NBPF19: variants seen among roughly 807,000 people sequenced by gnomAD.
The protein encoded by NBPF19 is NBPF family member NBPF19.
Under a neutral mutation model 45.9 loss-of-function variants are expected in NBPF19, and 30 were observed. The observed-to-expected ratio is 0.65, with a 90% CI of 0.49 to 0.89. The LOEUF is 0.89. Among genes scored for constraint, NBPF19 ranks in the 40% least tolerant of loss-of-function variants. The pLI, the probability that NBPF19 is intolerant of heterozygous loss-of-function variation, is 0.00. For missense variants in NBPF19, 495 were observed against 471.8 expected, an observed-to-expected ratio of 1.05 and a Z score of -0.46; for synonymous variants, 183 against 181.2, an observed-to-expected ratio of 1.01 and a Z score of -0.08.
intron 3 of NBPF19, 109 bp from the exon 4 acceptor site, chr1:149,478,771 C>T: frequency 1.6e-6 from 2 of 1,243,674 alleles, no homozygotes; most frequent in Non-Finnish European, 2.4e-6. Context: ...TGCTGACCTT[C>T]TGCTTGGAGG....
chr1:149,528,919 C>T (rs1296347786), intron 61 of NBPF19, among the ~76,000 whole-genome samples: 6 of 128,096 alleles, frequency 4.7e-5, no homozygotes, highest in African/African-American at 9.5e-5. Context: ...GTCACCTGGA[C>T]AATTCACTGA....
At chr1:149,478,376 C>G (rs1235400358) in intron 3 of NBPF19, among the ~76,000 whole-genome samples, 2 of 151,218 alleles carry the variant, frequency 1.3e-5, no homozygotes, top group African/African-American at 4.9e-5. Context: ...CCCACTTACC[C>G]TTAGTGAGAA....
Position 149,486,294 on chromosome 1 carries a change from G to A in NBPF19, c.988+1G>A. The A allele has an allele frequency of 1.7e-6, 1 of 588,884 alleles. No homozygotes were observed. Among genetic ancestry groups the A allele is most frequent in the South Asian group, 1.9e-5 (1 of 52,726 alleles). The allele number at this position is 588,884 out of a possible 1,614,324, so 36.5% of individuals were successfully genotyped here. Reference sequence around the variant, plus strand: ...GTCTGCATGGCTGTTGACATAGGCAGTGAGTACTCCATTGTGAAGGTGATA... The same window carrying A: ...GTCTGCATGGCTGTTGACATAGGCAATGAGTACTCCATTGTGAAGGTGATA... On this transcript the variant is annotated splice_donor_variant, in intron 8 of 93. Coordinates refer to ENST00000651566, the MANE Select transcript of NBPF19 (RefSeq NM_001351365.2). LOFTEE classifies it high-confidence loss of function.
In NBPF19 at chr1:149,554,701, A is replaced by T. The variant is rs1232168315; in HGVS notation, c.11495A>T (p.His3832Leu). ...RFFTLTVTSL[H>L]LVFQMLVIFP... is the part of the protein sequence containing the mutation. ...TTTACTTTGACGGTGACAAGTCTCCATCTGGTGTTCCAGATGTTAGTCATA... is the reference window on the plus strand; with the variant it reads ...TTTACTTTGACGGTGACAAGTCTCCTTCTGGTGTTCCAGATGTTAGTCATA... The change falls in exon 94 of 94, where the codon CAT becomes CTT. Residue 3832 changes from histidine to leucine, a missense_variant. Physicochemically the swap from His to Leu is moderately conservative, Grantham distance 99. Coordinates refer to ENST00000651566, the MANE Select transcript of NBPF19 (RefSeq NM_001351365.2). The T allele has an allele frequency of 3.7e-6, 6 of 1,608,190 alleles. No individual in the cohort carries two copies. Among genetic ancestry groups the T allele is most frequent in the Non-Finnish European group, 5.1e-6 (6 of 1,176,710 alleles).
rs1437583407 is a variant in NBPF19, at chr1:149,494,114, C to T, written c.1998-204C>T. Reference sequence around the variant, plus strand: ...TTCTCCTCTCTCTCTCTCTCTCTCTCTCTCCCTCTCCCTGTCTTTCTCTTT... The same window carrying T: ...TTCTCCTCTCTCTCTCTCTCTCTCTTTCTCCCTCTCCCTGTCTTTCTCTTT... On this transcript the variant is annotated intron_variant, in intron 17 of 93. Transcript: ENST00000651566. 8.3e-3 allele frequency among the ~76,000 whole-genome samples: 1,121 copies of T among 135,720 alleles called. 109 individuals are homozygous for T. The highest frequency in any genetic ancestry group is 0.013 in the Admixed American group (178 of 13,748). The allele number at this position is 135,720 out of a possible 152,430, so 89.0% of individuals were successfully genotyped here. A position where few individuals can be genotyped will look rare whatever the true frequency, so the allele number is the denominator to read the frequency against.
In NBPF19 at chr1:149,478,041, A is replaced by G. The variant is rs2084945310; in HGVS notation, c.272A>G (p.Glu91Gly). 2.6e-6 allele frequency: 4 copies of G among 1,564,034 alleles called. No homozygotes were observed. Among genetic ancestry groups the G allele is most frequent in the Admixed American group, 1.7e-5 (1 of 59,802 alleles). Reference sequence around the variant, plus strand: ...GCAGAGCAGCTGAAGCAAGCTGAGGAGCTCAGGTGAGGGGACCCCGTGGGG... The same window carrying G: ...GCAGAGCAGCTGAAGCAAGCTGAGGGGCTCAGGTGAGGGGACCCCGTGGGG... ...KLAEQLKQAE[E>G]LRQYKVLFHS... The change falls in exon 3 of 94, where the codon GAG becomes GGG. Residue 91 changes from glutamate to glycine, a missense_variant. Around this residue, in one of 8 missense-constraint regions of NBPF19, gnomAD observed 69 missense variants for 87.8 expected, o/e 0.79. Transcript: ENST00000651566.
intron 9 of NBPF19, among the ~76,000 whole-genome samples, chr1:149,487,785 G>A (rs1299981066): frequency 7.0e-6 from 1 of 142,618 alleles, no homozygotes; most frequent in Non-Finnish European, 1.5e-5. Context: ...CTGTGTGTGT[G>A]TGTGTGTGTG....
intron 10 of NBPF19, 116 bp from the exon 11 acceptor site, chr1:149,488,789 G>C: frequency 1.4e-5 from 1 of 71,402 alleles, no homozygotes; most frequent in South Asian, 9.4e-5. Context: ...ATCTCTCACA[G>C]TGTCCTATTC....
rs1183800818 is a variant in NBPF19, at chr1:149,488,058, G to C, written c.1086G>C (p.Gln362His). ...LLDEKGPEVL[Q>H]DSLDRCYSTP... is the part of the protein sequence containing the mutation. ...ATGAGAAAGGGCCTGAAGTCTTGCA[G>C]GACTCACTGGATAGATGTTATTCAA... The change falls in exon 10 of 94, where the codon CAG becomes CAC. Residue 362 changes from glutamine to histidine, a missense_variant. By Grantham distance (24) the Gln-to-His change is conservative. Around this residue, in one of 8 missense-constraint regions of NBPF19, gnomAD observed 146 missense variants for 67.3 expected, o/e 2.17. Coordinates refer to ENST00000651566, the MANE Select transcript of NBPF19 (RefSeq NM_001351365.2). 2.1e-5 allele frequency: 14 copies of C among 681,100 alleles called. No homozygotes were observed. The highest frequency in any genetic ancestry group is 1.7e-4 in the South Asian group (11 of 62,868). The allele number at this position is 681,100 out of a possible 1,614,324, so 42.2% of individuals were successfully genotyped here. A position where few individuals can be genotyped will look rare whatever the true frequency, so the allele number is the denominator to read the frequency against.
At chr1:149,490,929 T>TGC (rs2085834150) in intron 13 of NBPF19, among the ~76,000 whole-genome samples, 1 of 136,288 alleles carries the variant, frequency 7.3e-6, no homozygotes, top group Non-Finnish European at 1.5e-5. Flanking sequence ...TGCGTGTGTG[T>TGC]GTGTGTGTGT....
At position 149,475,150 on chromosome 1, in the gene NBPF19, T is replaced by G. The variant is rs1432153544; in HGVS notation, c.-681T>G. 6.8e-6 allele frequency among the ~76,000 whole-genome samples: 1 copy of G among 147,630 alleles called. No individual in the cohort carries two copies. Among genetic ancestry groups the G allele is most frequent in the East Asian group, 2.1e-4 (1 of 4,794 alleles). On this transcript the variant is annotated 5_prime_UTR_variant, in exon 1 of 94. An upstream start codon of the reference 5' UTR is lost. Coordinates refer to ENST00000651566, the MANE Select transcript of NBPF19 (RefSeq NM_001351365.2). ...AGAGGAAATCAATCTAACAATGGGA[T>G]GCAGCAGCAAGAATACTGAGACAGG... is the stretch of plus-strand genomic sequence containing the variant.
intron 13 of NBPF19, among the ~76,000 whole-genome samples, 169 bp from the exon 14 acceptor site, chr1:149,490,970 C>A (rs2085840413): frequency 8.0e-6 from 1 of 125,392 alleles, no homozygotes; most frequent in Non-Finnish European, 1.6e-5. Context: ...CATTCTTTTC[C>A]ATTTGGCCCT....
chr1:149,554,411 C>T (rs1345191667), intron 93 of NBPF19, 84 bp from the exon 94 acceptor site: 2 of 1,606,716 alleles, frequency 1.2e-6, no homozygotes, highest in Non-Finnish European at 1.7e-6. Flanking sequence ...CTAACCACTT[C>T]CTTATGTGAC....
In NBPF19 at chr1:149,487,229, A is replaced by C; in HGVS notation, c.989-103A>C. On this transcript the variant is annotated intron_variant, in intron 8 of 93. Transcript: ENST00000651566. ...ATTTCTCTCAAAGTCTCCTGTTCTCACACTGACAAGACTGATGTCCCTGTG... is the reference window on the plus strand; with the variant it reads ...ATTTCTCTCAAAGTCTCCTGTTCTCCCACTGACAAGACTGATGTCCCTGTG... 11 of 838,272 alleles carry C rather than the reference A, an allele frequency of 1.3e-5. No homozygotes were observed. The South Asian group carries it at 1.3e-4, about 10-fold the overall frequency. 51.9% of individuals were successfully genotyped at this position (838,272 alleles called of 1,614,324 possible).
At chr1:149,488,403 G>C (rs1279194078) in intron 10 of NBPF19, among the ~76,000 whole-genome samples, 1 of 142,278 alleles carries the variant, frequency 7.0e-6, no homozygotes, top group African/African-American at 2.6e-5. Context: ...GGCCATACCT[G>C]TGGCGCCCTA....
In NBPF19 at chr1:149,555,620, T is replaced by C. The variant is rs1245317248; in HGVS notation, c.*882T>C. 2 of 149,280 alleles carry C rather than the reference T, an allele frequency of 1.3e-5. No homozygotes were observed. Among genetic ancestry groups the C allele is most frequent in the Non-Finnish European group, 3.0e-5 (2 of 66,916 alleles). The allele number at this position is 149,280 out of a possible 1,614,324, so 9.2% of individuals were successfully genotyped here. A position where few individuals can be genotyped will look rare whatever the true frequency, so the allele number is the denominator to read the frequency against. On this transcript the variant is annotated 3_prime_UTR_variant, in exon 94 of 94. Coordinates refer to ENST00000651566, the MANE Select transcript of NBPF19 (RefSeq NM_001351365.2). ...ACAACAAAAAGGAGAAGATATATTTTGGGTTCAAAAAAAGTAAAAAGATAA... is the reference window on the plus strand; with the variant it reads ...ACAACAAAAAGGAGAAGATATATTTCGGGTTCAAAAAAAGTAAAAAGATAA...
intron 7 of NBPF19, among the ~76,000 whole-genome samples, chr1:149,483,463 A>T (rs1160471860): frequency 1.1e-5 from 1 of 93,480 alleles, no homozygotes; most frequent in African/African-American, 4.3e-5. Flanking sequence ...CAGCACACTG[A>T]TGGGTCTTGA....
intron 7 of NBPF19, among the ~76,000 whole-genome samples, chr1:149,485,463 TG>T (rs1365340002): frequency 1.1e-5 from 1 of 94,432 alleles, no homozygotes; most frequent in Non-Finnish European, 2.1e-5. Flanking sequence ...TTTTTGTTGA[TG>T]TTGATGCTAT....
chr1:149,479,173 A>G, intron 4 of NBPF19, 79 bp downstream of exon 4: 1 of 1,570,404 alleles, frequency 6.4e-7, no homozygotes, highest in Non-Finnish European at 8.7e-7. Flanking sequence ...TCACAATGAC[A>G]GTTATATCAG....
Sources: allele counts gnomAD v4.1 joint callset (sites outside exome capture counted in the v4.1 genomes callset), GRCh38; gene constraint gnomAD v4.1.1; regional missense constraint gnomAD v4.1.1; transcripts MANE v1.5; gene names NCBI Gene and HGNC (gene_info 2026-07-23, HGNC 2026-07-21).